Variants in PTPRM observed in about 807,000 individuals in gnomAD.
The protein encoded by PTPRM is protein tyrosine phosphatase receptor type M.
A neutral mutation model predicts 186.7 loss-of-function variants in PTPRM; 47 were observed. That is an observed-to-expected ratio of 0.25 (90% confidence interval 0.20 to 0.32). The LOEUF (loss-of-function observed/expected upper bound fraction) is 0.32, where lower values mean the gene tolerates loss of function less well. Ranked by LOEUF, PTPRM falls within the 10% of genes least tolerant of loss-of-function variation. The pLI, the probability that PTPRM is intolerant of heterozygous loss-of-function variation, is 1.00. For synonymous variants in PTPRM, 668 were observed against 674.9 expected (o/e 0.99, Z 0.16); for missense variants, 1,494 against 1,865.0 (o/e 0.80, Z 3.66).
intron 7 of PTPRM, among the ~76,000 whole-genome samples, chr18:8,024,150 G>A (rs769324506): frequency 1.3e-5 from 2 of 151,942 alleles, no homozygotes; most frequent in African/African-American, 4.8e-5. Flanking sequence ...TTTAATATCT[G>A]GTATGAGTTG....
intron 1 of PTPRM, among the ~76,000 whole-genome samples, chr18:7,603,459 C>T (rs1204212157): frequency 6.6e-6 from 1 of 152,176 alleles, no homozygotes; most frequent in Non-Finnish European, 1.5e-5. Context: ...TGGGCTTTGC[C>T]TGTTTGGCCT....
intron 1 of PTPRM, among the ~76,000 whole-genome samples, chr18:7,748,868 C>A (rs2041074907): frequency 6.6e-6 from 1 of 152,156 alleles, no homozygotes; most frequent in Non-Finnish European, 1.5e-5. Flanking sequence ...ACTCCCCCAC[C>A]CCAGTGGGAT....
At chr18:8,068,169 T>C (rs9965217) in intron 7 of PTPRM, among the ~76,000 whole-genome samples, 3,302 of 152,290 alleles carry the variant, frequency 0.022, 107 homozygotes, top group African/African-American at 0.075. Context: ...GAATAGGAAA[T>C]TTATAGAAAG....
At chr18:8,245,232 C>T (rs558583167) in intron 15 of PTPRM, among the ~76,000 whole-genome samples, 6 of 152,104 alleles carry the variant, frequency 3.9e-5, no homozygotes, top group African/African-American at 7.2e-5. Flanking sequence ...CTGAGCTTTG[C>T]GTTTCTCGTA....
At chr18:8,213,932 G>C (rs1228569721) in intron 14 of PTPRM, among the ~76,000 whole-genome samples, 1 of 152,170 alleles carries the variant, frequency 6.6e-6, no homozygotes, top group Admixed American at 6.5e-5. Flanking sequence ...CTCAGTCATA[G>C]AAAAGAATGA....
At chr18:8,372,000 G>C (rs556225194) in intron 24 of PTPRM, among the ~76,000 whole-genome samples, 1 of 150,880 alleles carries the variant, frequency 6.6e-6, no homozygotes, top group Non-Finnish European at 1.5e-5. Context: ...GGAAGACCTG[G>C]GTTATAGGCA....
At chr18:7,726,440 G>A (rs999526791) in intron 1 of PTPRM, among the ~76,000 whole-genome samples, 1 of 152,078 alleles carries the variant, frequency 6.6e-6, no homozygotes, top group African/African-American at 2.4e-5. Context: ...CCTGTGCGTT[G>A]TTAATAATAT....
At chr18:7,801,023 G>A (rs997122848) in intron 2 of PTPRM, among the ~76,000 whole-genome samples, 1 of 152,146 alleles carries the variant, frequency 6.6e-6, no homozygotes, top group Admixed American at 6.6e-5. Flanking sequence ...CAGTGAGTGA[G>A]TGGTGAGTGA....
At chr18:8,316,770 C>T (rs757197099) in intron 21 of PTPRM, among the ~76,000 whole-genome samples, 22 of 152,086 alleles carry the variant, frequency 1.4e-4, no homozygotes, top group African/African-American at 4.1e-4. Flanking sequence ...GGACTCGGAG[C>T]GCCAGACCTG....
At chr18:7,787,208 T>C (rs1003194739) in intron 2 of PTPRM, among the ~76,000 whole-genome samples, 1 of 152,226 alleles carries the variant, frequency 6.6e-6, no homozygotes, top group African/African-American at 2.4e-5. Flanking sequence ...TGATCTTGCA[T>C]GTGTCATATT....
Position 8,253,497 on chromosome 18 carries a change from G to A in PTPRM, c.2754+83G>A. The stretch of plus-strand genomic sequence containing the variant: ...ACTGTGCTCCCAACTCAATCAGAAA[G>A]CCAGAGAAAACCCCCTGCCCCGAGA... On this transcript the variant is annotated intron_variant, in intron 19 of 32. Coordinates refer to ENST00000580170, the MANE Select transcript of PTPRM (RefSeq NM_001105244.2). 4.8e-6 allele frequency: 6 copies of A among 1,253,020 alleles called. No homozygotes were observed. In the South Asian group the frequency reaches 1.6e-4, roughly 33 times the overall value. 77.6% of individuals were successfully genotyped at this position (1,253,020 alleles called of 1,614,324 possible).
intron 2 of PTPRM, among the ~76,000 whole-genome samples, chr18:7,826,730 A>G (rs1015275963): frequency 7.2e-5 from 11 of 152,224 alleles, no homozygotes; most frequent in African/African-American, 2.7e-4. Context: ...ATCCAAAGAA[A>G]ACAACTTTTT....
At position 7,608,407 on chromosome 18, in the gene PTPRM, A is replaced by G. The variant is rs374745250; in HGVS notation, c.73+40516A>G. Among the ~76,000 whole-genome samples the G allele has an allele frequency of 3.9e-5, 6 of 152,242 alleles. No homozygotes were observed. In the East Asian group the frequency reaches 1.2e-3, roughly 29 times the overall value. On this transcript the variant is annotated intron_variant, in intron 1 of 32. Transcript: ENST00000580170. ...ATTCTCAGAGTTCCAAGGAAAAGAGAATCCTGTTGTTCTGTGAGATTACAT... is the reference window on the plus strand; with the variant it reads ...ATTCTCAGAGTTCCAAGGAAAAGAGGATCCTGTTGTTCTGTGAGATTACAT...
intron 7 of PTPRM, among the ~76,000 whole-genome samples, chr18:8,009,719 T>C (rs1460512469): frequency 1.3e-5 from 2 of 151,946 alleles, no homozygotes; most frequent in African/African-American, 4.8e-5. Context: ...AAAAAATAAA[T>C]AAATAAAAAA....
At chr18:7,635,482 C>G (rs1013486259) in intron 1 of PTPRM, among the ~76,000 whole-genome samples, 1 of 152,210 alleles carries the variant, frequency 6.6e-6, no homozygotes, top group Non-Finnish European at 1.5e-5. Flanking sequence ...AAGTGACCTT[C>G]TCTTTTCAGA....
At chr18:7,667,751 T>C (rs2039129522) in intron 1 of PTPRM, among the ~76,000 whole-genome samples, 1 of 151,608 alleles carries the variant, frequency 6.6e-6, no homozygotes, top group African/African-American at 2.4e-5. Flanking sequence ...GGAAGTCACT[T>C]TTTTTTTTCC....
chr18:7,885,029 C>G (rs2048714829), intron 2 of PTPRM, among the ~76,000 whole-genome samples: 1 of 148,918 alleles, frequency 6.7e-6, no homozygotes. Context: ...AGCTTTGTAG[C>G]TGGCAAGTGA....
intron 9 of PTPRM, among the ~76,000 whole-genome samples, chr18:8,080,139 G>A (rs983833052): frequency 1.4e-5 from 2 of 147,160 alleles, no homozygotes; most frequent in African/African-American, 5.1e-5. Context: ...TGCATAGTCT[G>A]TTGATGGGAA....
chr18:7,737,390 C>G (rs1310940639), intron 1 of PTPRM, among the ~76,000 whole-genome samples: 1 of 152,164 alleles, frequency 6.6e-6, no homozygotes, highest in South Asian at 2.1e-4. Context: ...CCACAGTGCC[C>G]GGCCAACTCT....
Sources: allele counts gnomAD v4.1 joint callset (sites outside exome capture counted in the v4.1 genomes callset), GRCh38; gene constraint gnomAD v4.1.1; transcripts MANE v1.5; gene names NCBI Gene and HGNC (gene_info 2026-07-23, HGNC 2026-07-21).